Variants in P2RX5 observed in about 807,000 individuals in gnomAD.
The protein encoded by P2RX5 is purinergic receptor P2X 5, also known as P2X purinoceptor 5.
A neutral mutation model predicts 54.1 loss-of-function variants in P2RX5; 46 were observed. The observed-to-expected ratio is 0.85, with a 90% CI of 0.67 to 1.09. The LOEUF (loss-of-function observed/expected upper bound fraction) is 1.09, where lower values mean the gene tolerates loss of function less well. Among genes scored for constraint, P2RX5 ranks in the 50% least tolerant of loss-of-function variants. The probability of loss-of-function intolerance (pLI) is 0.00; values close to 1 mark genes in which losing one functional copy is unlikely to be tolerated. For missense variants in P2RX5, 566 were observed against 549.8 expected (o/e 1.03, Z -0.29); for synonymous variants, 226 against 226.4 (o/e 1.00, Z 0.02).
intron 11 of P2RX5, chr17:3,677,339 G>A: frequency 6.2e-6 from 6 of 968,650 alleles, no homozygotes; most frequent in Non-Finnish European, 7.3e-6. Flanking sequence ...TATTCCCCGG[G>A]CGTCCCGAGG....
intron 6 of P2RX5, 120 bp downstream of exon 6, chr17:3,689,950 A>G: frequency 1.1e-6 from 1 of 937,914 alleles, no homozygotes. Context: ...ACGCGAACAC[A>G]CGCACACACG....
chr17:3,676,302 G>A (rs1213363665), intron 11 of P2RX5: 4 of 985,220 alleles, frequency 4.1e-6, no homozygotes, highest in Non-Finnish European at 4.8e-6. Flanking sequence ...GGTCTTAAGC[G>A]CCAGCGTCAG....
At chr17:3,684,794 G>C (rs921777352) in intron 9 of P2RX5, among the ~76,000 whole-genome samples, 2 of 149,896 alleles carry the variant, frequency 1.3e-5, no homozygotes, top group Admixed American at 1.3e-4. Flanking sequence ...AAAGTCAGCA[G>C]CACCCAGGCT....
intron 2 of P2RX5, among the ~76,000 whole-genome samples, chr17:3,691,306 A>T (rs1255540490): frequency 1.3e-5 from 2 of 152,234 alleles, no homozygotes; most frequent in African/African-American, 4.8e-5. Context: ...AACTGTGAAC[A>T]GGCTGGAGAG....
At chr17:3,720,467 A>G in the P2RX5 span, 3 of 767,342 alleles carry the variant, frequency 3.9e-6, no homozygotes, top group Non-Finnish European at 7.0e-6. Flanking sequence ...ACTGTGTTTG[A>G]ACAGCCTTCA....
chr17:3,690,769 T>A (rs1200093747), intron 3 of P2RX5, 89 bp from the exon 4 acceptor site: 2 of 1,386,368 alleles, frequency 1.4e-6, no homozygotes, highest in African/African-American at 2.8e-5. Context: ...GGGTTCTTCT[T>A]CGGCCTGGCC....
chr17:3,721,408 A>G, the P2RX5 span, among the ~76,000 whole-genome samples: 1 of 151,072 alleles, frequency 6.6e-6, no homozygotes, highest in African/African-American at 2.4e-5. Flanking sequence ...AGTAGCTGGG[A>G]CTACAGGCAT....
chr17:3,691,683 C>T lies in P2RX5; in HGVS notation c.249G>A (p.Gln83=). The change falls in exon 2 of 12, where the codon CAG becomes CAA. Residue 83 remains glutamine (Q), a synonymous_variant. Coordinates refer to ENST00000225328, the MANE Select transcript of P2RX5 (RefSeq NM_002561.4). ...CGTAGTCGGCGACATCCCAGATCCG[C>T]TGCCCAAGATCCGAGGTGTTGGTGA... ...VAFTNTSDLG[Q]RIWDVADYVI... The T allele has an allele frequency of 1.2e-6, 2 of 1,614,224 alleles. No homozygotes were observed. The highest frequency in any genetic ancestry group is 1.7e-6 in the Non-Finnish European group (2 of 1,180,040).
In P2RX5 at chr17:3,690,713, G is replaced by C. The variant is rs922994720; in HGVS notation, c.361-33C>G. On this transcript the variant is annotated intron_variant, in intron 3 of 11. Transcript: ENST00000225328. ...GAGAGAAGGGGCACCTGGATGGGGGGGTTCCCCCAGCTCAGAGCCGGGTCC... is the reference window on the plus strand; with the variant it reads ...GAGAGAAGGGGCACCTGGATGGGGGCGTTCCCCCAGCTCAGAGCCGGGTCC... The C allele has an allele frequency of 1.9e-6, 3 of 1,600,688 alleles. No homozygotes were observed. The East Asian group carries it at 6.7e-5, about 36-fold the overall frequency.
At chr17:3,707,561 C>T in the P2RX5 span, among the ~76,000 whole-genome samples, 1 of 152,178 alleles carries the variant, frequency 6.6e-6, no homozygotes, top group Non-Finnish European at 1.5e-5. Flanking sequence ...CCTCAGATCT[C>T]ACAGCTCTAA....
the P2RX5 span, among the ~76,000 whole-genome samples, chr17:3,723,040 C>T: frequency 2.4e-4 from 37 of 152,246 alleles, no homozygotes; most frequent in African/African-American, 8.2e-4. Context: ...GGGCTTGCTG[C>T]TGGAATAGAC....
At chr17:3,674,242 C>T (rs1458710722) in intron 11 of P2RX5, among the ~76,000 whole-genome samples, 2 of 151,660 alleles carry the variant, frequency 1.3e-5, no homozygotes, top group Non-Finnish European at 2.9e-5. Flanking sequence ...ACCCGGGAGG[C>T]GGAGCTTGCA....
intron 11 of P2RX5, chr17:3,676,987 G>A (rs532402979): frequency 1.7e-6 from 1 of 599,844 alleles, no homozygotes; most frequent in African/African-American, 2.0e-5. Flanking sequence ...GATTGAACCT[G>A]GGAGGCGGAG....
At chr17:3,701,714 A>AAAAAT in the P2RX5 span, among the ~76,000 whole-genome samples, 4 of 137,480 alleles carry the variant, frequency 2.9e-5, no homozygotes, top group East Asian at 4.7e-4. Flanking sequence ...AAAAAAAAAA[A>AAAAAT]AAAAAGGAAC....
chr17:3,673,675 C>A lies in P2RX5; in HGVS notation c.*193G>T. On this transcript the variant is annotated 3_prime_UTR_variant, in exon 12 of 12. Transcript: ENST00000225328. ...GGGCAAAAAGACAGCCATGATGGGT[C>A]CGTCCTGATGACCCCAGCATCAGAC... is the stretch of plus-strand genomic sequence containing the variant. The A allele has an allele frequency of 6.7e-7, 1 of 1,502,914 alleles. No homozygotes were observed. Among genetic ancestry groups the A allele is most frequent in the Admixed American group, 2.1e-5 (1 of 47,792 alleles). 93.1% of individuals were successfully genotyped at this position (1,502,914 alleles called of 1,614,324 possible).
the P2RX5 span, among the ~76,000 whole-genome samples, chr17:3,723,054 G>A: frequency 6.6e-6 from 1 of 152,196 alleles, no homozygotes; most frequent in East Asian, 1.9e-4. Flanking sequence ...AATAGACGTG[G>A]GGATGTAGGA....
intron 9 of P2RX5, chr17:3,685,717 CTCCCAGCCTGAGAACA>C (rs2050439780): frequency 2.5e-4 from 10 of 40,480 alleles, no homozygotes; most frequent in East Asian, 1.7e-3. Flanking sequence ...CAACGTCCCC[CTCCCAGCCTGAGAACA>C]GGAGAACGCA....
chr17:3,715,744 C>A, the P2RX5 span, among the ~76,000 whole-genome samples: 1 of 151,892 alleles, frequency 6.6e-6, no homozygotes, highest in South Asian at 2.1e-4. Context: ...GAGTAACAGT[C>A]CCAGTTACTC....
At chr17:3,701,578 GC>G in the P2RX5 span, among the ~76,000 whole-genome samples, 1 of 151,650 alleles carries the variant, frequency 6.6e-6, no homozygotes, top group African/African-American at 2.4e-5. Flanking sequence ...TGTAATCCCA[GC>G]TACTTGGGAG....
Sources: gnomAD v4.1 joint callset for allele counts (sites outside exome capture counted in the v4.1 genomes callset) on GRCh38, gnomAD v4.1.1 for gene constraint, MANE v1.5 for transcripts, NCBI Gene and HGNC (gene_info 2026-07-23, HGNC 2026-07-21) for gene names.